Variants in PRDM1 observed in about 807,000 individuals in gnomAD.
The protein encoded by PRDM1 is PR domain zinc finger protein 1.
PRDM1 carries 13 observed loss-of-function variants against 62.8 expected under a neutral mutation model. The observed-to-expected ratio is 0.21, with a 90% CI of 0.13 to 0.33. PRDM1 has a LOEUF of 0.33. Ranked by LOEUF, PRDM1 falls within the 10% of genes least tolerant of loss-of-function variation. The probability of loss-of-function intolerance (pLI) is 1.00; values close to 1 mark genes in which losing one functional copy is unlikely to be tolerated. For missense variants in PRDM1, 895 were observed against 1,058.8 expected, an observed-to-expected ratio of 0.85 and a Z score of 2.15; for synonymous variants, 396 against 417.6, an observed-to-expected ratio of 0.95 and a Z score of 0.63.
intron 1 of PRDM1, among the ~76,000 whole-genome samples, chr6:106,071,424 C>G (rs1436437757): frequency 6.6e-6 from 1 of 152,028 alleles, no homozygotes; most frequent in African/African-American, 2.4e-5. Context: ...TACATACATA[C>G]AGGTATCTCC....
At chr6:106,031,004 T>A (rs1483052088) in intron 1 of PRDM1, among the ~76,000 whole-genome samples, 7 of 151,740 alleles carry the variant, frequency 4.6e-5, no homozygotes, top group East Asian at 3.9e-4. Context: ...CTCTTTTTTT[T>A]TTTTTTTCTG....
chr6:106,021,578 AAAATGGAAC>A (rs1772695841), intron 1 of PRDM1, among the ~76,000 whole-genome samples: 1 of 152,250 alleles, frequency 6.6e-6, no homozygotes, highest in South Asian at 2.1e-4. Flanking sequence ...ATTGAGAAGC[AAAATGGAAC>A]ATTCACCTCC....
In PRDM1 at chr6:106,098,409, T is replaced by C. The variant is rs1456109962; in HGVS notation, c.412-891T>C. 4.1e-6 allele frequency: 4 copies of C among 985,260 alleles called. No individual in the cohort carries two copies. The African/African-American group carries it at 7.0e-5, about 17-fold the overall frequency. The allele number at this position is 985,260 out of a possible 1,614,324, so 61.0% of individuals were successfully genotyped here. On this transcript the variant is annotated intron_variant, in intron 3 of 6. Coordinates refer to ENST00000369096, the MANE Select transcript of PRDM1 (RefSeq NM_001198.4). ...CCTGAGTGCATCTGTTATCCAGAAGTAGTATTACTCTAGGACAAACTTCAA... is the reference window on the plus strand; with the variant it reads ...CCTGAGTGCATCTGTTATCCAGAAGCAGTATTACTCTAGGACAAACTTCAA...
chr6:106,044,913 TAGAGA>T (rs973734851), upstream of PRDM1, among the ~76,000 whole-genome samples: 4 of 152,134 alleles, frequency 2.6e-5, no homozygotes, highest in African/African-American at 9.7e-5. Context: ...TTAAAGTGAC[TAGAGA>T]AAACAAAGGG....
At position 106,106,826 on chromosome 6, in the gene PRDM1, G is replaced by A; in HGVS notation, c.1903-85G>A. 7 of 1,429,112 alleles carry A rather than the reference G, an allele frequency of 4.9e-6. No homozygotes were observed. The East Asian group carries it at 1.4e-4, about 28-fold the overall frequency. The allele number at this position is 1,429,112 out of a possible 1,614,324, so 88.5% of individuals were successfully genotyped here. ...CTCCTAGGTTGCTGGGCGTTGGCCG[G>A]TAAGCCTGCCCCTCCCGTTGGCAAC... On this transcript the variant is annotated intron_variant, in intron 6 of 6. Coordinates refer to ENST00000369096, the MANE Select transcript of PRDM1 (RefSeq NM_001198.4). The surrounding 1 kb of genome is among the most constrained non-coding windows in gnomAD (Gnocchi z 4.4).
intron 1 of PRDM1, among the ~76,000 whole-genome samples, chr6:106,086,976 T>C (rs1471569517): frequency 6.6e-6 from 1 of 152,212 alleles, no homozygotes; most frequent in Non-Finnish European, 1.5e-5. Context: ...AAAACAACTT[T>C]GCATCCAACT....
At chr6:106,098,727 G>C in intron 3 of PRDM1, 1 of 1,409,976 alleles carries the variant, frequency 7.1e-7, no homozygotes, top group Non-Finnish European at 9.5e-7. Flanking sequence ...AAAAGGCAAG[G>C]TTCCAAGTAT....
chr6:106,051,009 T>G (rs1476904886), intron 1 of PRDM1, among the ~76,000 whole-genome samples: 1 of 151,780 alleles, frequency 6.6e-6, no homozygotes, highest in African/African-American at 2.4e-5. Context: ...GCCTGATGGG[T>G]TGGTTTTGTC....
At chr6:106,014,305 C>T (rs1324198982) in intron 1 of PRDM1, among the ~76,000 whole-genome samples, 4 of 151,848 alleles carry the variant, frequency 2.6e-5, no homozygotes, top group Non-Finnish European at 5.9e-5. Flanking sequence ...AGTAATCCGC[C>T]CGCCTCTGCC....
At chr6:106,087,932 T>A (rs1773851146) in intron 1 of PRDM1, 1 of 350,624 alleles carries the variant, frequency 2.9e-6, no homozygotes, top group East Asian at 4.9e-5. Context: ...TGTTCAGAGG[T>A]GATTCTTTTT....
rs924607137 is a variant in PRDM1, at chr6:106,058,388, T to A, written c.-67+9674T>A. ...AGGCACTAATCCCATACACAAGAGCTCCACCCTCATTGCCACATTACCTCC... is the reference window on the plus strand; with the variant it reads ...AGGCACTAATCCCATACACAAGAGCACCACCCTCATTGCCACATTACCTCC... On this transcript the variant is annotated intron_variant, in intron 1 of 6. Coordinates refer to the PRDM1 transcript ENST00000651185. Among the ~76,000 whole-genome samples the A allele has an allele frequency of 3.9e-5, 6 of 152,110 alleles. No homozygotes were observed. The South Asian group carries it at 8.3e-4, about 21-fold the overall frequency.
intron 1 of PRDM1, among the ~76,000 whole-genome samples, chr6:106,029,809 G>A (rs1480884525): frequency 6.6e-6 from 1 of 151,938 alleles, no homozygotes; most frequent in East Asian, 1.9e-4. Flanking sequence ...TGTAGAGCTG[G>A]GATTTTGTCA....
intron 1 of PRDM1, chr6:106,078,389 A>G (rs1456906887): frequency 3.3e-5 from 5 of 152,216 alleles, no homozygotes; most frequent in Non-Finnish European, 4.4e-5. Context: ...GACTGCTGTC[A>G]TATCTTTGAC....
intron 1 of PRDM1, among the ~76,000 whole-genome samples, chr6:106,078,870 A>G (rs1270070504): frequency 1.3e-5 from 2 of 152,100 alleles, no homozygotes; most frequent in Non-Finnish European, 2.9e-5. Context: ...GAAATAAAAT[A>G]AAAAATAAAA....
chr6:106,107,563 C>A lies in PRDM1; in HGVS notation c.*77C>A. ...GGGTGCCTGTAGGAAGTGGCTTGTACATAATCCCAGCTCTGCAAAGCTCTC... is the reference window on the plus strand; with the variant it reads ...GGGTGCCTGTAGGAAGTGGCTTGTAAATAATCCCAGCTCTGCAAAGCTCTC... On this transcript the variant is annotated 3_prime_UTR_variant, in exon 7 of 7. Coordinates refer to ENST00000369096, the MANE Select transcript of PRDM1 (RefSeq NM_001198.4). 7.7e-7 allele frequency: 1 copy of A among 1,304,868 alleles called. No homozygotes were observed. Among genetic ancestry groups the A allele is most frequent in the Non-Finnish European group, 1.0e-6 (1 of 955,236 alleles). 80.8% of individuals were successfully genotyped at this position (1,304,868 alleles called of 1,614,324 possible).
intron 4 of PRDM1, among the ~76,000 whole-genome samples, chr6:106,104,400 G>A (rs1021356497): frequency 1.9e-4 from 29 of 152,154 alleles, no homozygotes; most frequent in African/African-American, 6.7e-4. Flanking sequence ...TAGTAGAGAT[G>A]GGGTTTCTCC....
At chr6:106,052,787 A>G (rs1256730568) in intron 1 of PRDM1, among the ~76,000 whole-genome samples, 1 of 152,154 alleles carries the variant, frequency 6.6e-6, no homozygotes, top group African/African-American at 2.4e-5. Context: ...CCTGGCCAAC[A>G]TGGTAAAACC....
upstream of PRDM1, among the ~76,000 whole-genome samples, chr6:106,043,855 G>A (rs113902843): frequency 2.0e-5 from 3 of 152,098 alleles, no homozygotes; most frequent in East Asian, 5.8e-4. Context: ...ATTTTTAATC[G>A]AATTAACTGT....
chr6:106,097,209 CT>C (rs1207675043), intron 3 of PRDM1, among the ~76,000 whole-genome samples: 1 of 152,194 alleles, frequency 6.6e-6, no homozygotes, highest in Non-Finnish European at 1.5e-5. Flanking sequence ...TCAATAACGT[CT>C]TCTCAGAAGT....
Sources: allele counts gnomAD v4.1 joint callset (sites outside exome capture counted in the v4.1 genomes callset), GRCh38; gene constraint gnomAD v4.1.1; non-coding constraint Gnocchi (gnomAD v3.1); transcripts MANE v1.5; gene names NCBI Gene and HGNC (gene_info 2026-07-23, HGNC 2026-07-21).